PRKCA: variants seen among roughly 807,000 people sequenced by gnomAD.
PRKCA encodes protein kinase C alpha.
A neutral mutation model predicts 87.0 loss-of-function variants in PRKCA; 27 were observed. The ratio of observed to expected loss-of-function variants is 0.31; its 90% CI spans 0.23 to 0.43. PRKCA has a LOEUF of 0.43. PRKCA is among the 20% of genes least tolerant of loss of function. The pLI is 1.00. For synonymous variants in PRKCA, 329 were observed against 311.1 expected (o/e 1.06, Z -0.61); for missense variants, 518 against 852.3 (o/e 0.61, Z 4.88).
intron 3 of PRKCA, among the ~76,000 whole-genome samples, chr17:66,626,927 G>A (rs935042145): frequency 6.6e-6 from 1 of 152,188 alleles, no homozygotes; most frequent in Non-Finnish European, 1.5e-5. Flanking sequence ...CTCACTAGAA[G>A]TATCCACAGA....
At chr17:66,492,475 T>G (rs76444759) in intron 2 of PRKCA, among the ~76,000 whole-genome samples, 3,510 of 152,318 alleles carry the variant, frequency 0.023, 130 homozygotes, top group African/African-American at 0.08. Flanking sequence ...GTGAGTTTTC[T>G]TAACAGTGTT....
chr17:66,321,875 C>T (rs1005540170), intron 2 of PRKCA, among the ~76,000 whole-genome samples: 25 of 152,244 alleles, frequency 1.6e-4, no homozygotes, highest in African/African-American at 5.8e-4. Context: ...GAATGAAGGG[C>T]TGAGGGGACT....
chr17:66,575,195 TGCTGG>T, intron 3 of PRKCA, among the ~76,000 whole-genome samples: 1 of 152,348 alleles, frequency 6.6e-6, no homozygotes, highest in Non-Finnish European at 1.5e-5. Flanking sequence ...AGAAGGGGTC[TGCTGG>T]ACAAAGGGAT....
At chr17:66,544,992 A>T (rs913981194) in intron 3 of PRKCA, among the ~76,000 whole-genome samples, 5 of 152,238 alleles carry the variant, frequency 3.3e-5, no homozygotes, top group African/African-American at 1.2e-4. Flanking sequence ...ATGATAAGTA[A>T]CTTACCGAAA....
At chr17:66,312,192 G>T (rs112520848) in intron 2 of PRKCA, among the ~76,000 whole-genome samples, 1 of 151,956 alleles carries the variant, frequency 6.6e-6, no homozygotes, top group African/African-American at 2.4e-5. Flanking sequence ...ATATTGGCCA[G>T]GCTGGTCTTG....
At chr17:66,358,191 G>T (rs908416796) in intron 2 of PRKCA, among the ~76,000 whole-genome samples, 5 of 151,594 alleles carry the variant, frequency 3.3e-5, no homozygotes, top group Non-Finnish European at 7.4e-5. Context: ...GTTTATTAGC[G>T]TTGGGATGGG....
chr17:66,731,300 C>T (rs1405200814), intron 8 of PRKCA, among the ~76,000 whole-genome samples: 3 of 148,374 alleles, frequency 2.0e-5, no homozygotes, highest in Non-Finnish European at 3.0e-5. Context: ...GCTGAGATCG[C>T]GCCACTGCAC....
intron 2 of PRKCA, among the ~76,000 whole-genome samples, chr17:66,429,791 A>G (rs751472802): frequency 6.6e-6 from 1 of 152,202 alleles, no homozygotes. Flanking sequence ...ACATTGGGTA[A>G]GAGAATTAAT....
intron 3 of PRKCA, among the ~76,000 whole-genome samples, chr17:66,577,877 A>T (rs1343341635): frequency 6.6e-6 from 1 of 151,934 alleles, no homozygotes; most frequent in Non-Finnish European, 1.5e-5. Flanking sequence ...GCCTGTTCCC[A>T]GATGCTGCAT....
At chr17:66,711,490 AT>A in intron 8 of PRKCA, among the ~76,000 whole-genome samples, 1 of 152,260 alleles carries the variant, frequency 6.6e-6, no homozygotes, top group Admixed American at 6.5e-5. Context: ...ATGGAGGGGA[AT>A]TTTGCAACTT....
At chr17:66,686,023 G>A (rs1972617645) in intron 5 of PRKCA, among the ~76,000 whole-genome samples, 1 of 152,148 alleles carries the variant, frequency 6.6e-6, no homozygotes, top group South Asian at 2.1e-4. Context: ...AGTTATATGT[G>A]TGTTGATGGT....
At chr17:66,736,116 A>G (rs1174055346) in intron 10 of PRKCA, among the ~76,000 whole-genome samples, 1 of 151,366 alleles carries the variant, frequency 6.6e-6, no homozygotes, top group Non-Finnish European at 1.5e-5. Flanking sequence ...TCCTGAGCTC[A>G]AACGATCCCC....
chr17:66,662,522 C>T (rs1228791855), intron 5 of PRKCA, among the ~76,000 whole-genome samples: 1 of 152,114 alleles, frequency 6.6e-6, no homozygotes, highest in Non-Finnish European at 1.5e-5. Context: ...CCAGTCATTT[C>T]TTTTCTGTAT....
At chr17:66,736,119 C>G (rs746078562) in intron 10 of PRKCA, among the ~76,000 whole-genome samples, 1 of 151,378 alleles carries the variant, frequency 6.6e-6, no homozygotes. Context: ...TGAGCTCAAA[C>G]GATCCCCCTA....
rs568113139 is a variant in PRKCA, at chr17:66,796,779, G to A, written c.1855-7094G>A. On this transcript the variant is annotated intron_variant, in intron 16 of 16. Coordinates refer to ENST00000413366, the MANE Select transcript of PRKCA (RefSeq NM_002737.3). Reference sequence around the variant, plus strand: ...CAACCACAAGTCAGAGAGCTGTGCAGATGGTGGCGATGCGGTTGCTAAGGC... The same window carrying A: ...CAACCACAAGTCAGAGAGCTGTGCAAATGGTGGCGATGCGGTTGCTAAGGC... 4 of 985,394 alleles carry A rather than the reference G, an allele frequency of 4.1e-6. No homozygotes were observed. The East Asian group carries it at 4.5e-4, about 112-fold the overall frequency. The allele number at this position is 985,394 out of a possible 1,614,324, so 61.0% of individuals were successfully genotyped here. A position where few individuals can be genotyped will look rare whatever the true frequency, so the allele number is the denominator to read the frequency against.
At position 66,653,803 on chromosome 17, in the gene PRKCA, AAAAAAAC is replaced by A. The variant is rs767943717; in HGVS notation, c.529+8297_529+8303del. 3.7e-3 allele frequency among the ~76,000 whole-genome samples: 500 copies of A among 135,828 alleles called. 1 individual carries two copies. The highest frequency in any genetic ancestry group is 9.2e-3 in the African/African-American group (359 of 39,234). The allele number at this position is 135,828 out of a possible 152,430, so 89.1% of individuals were successfully genotyped here. A position where few individuals can be genotyped will look rare whatever the true frequency, so the allele number is the denominator to read the frequency against. On this transcript the variant is annotated intron_variant, in intron 5 of 16. Coordinates refer to ENST00000413366, the MANE Select transcript of PRKCA (RefSeq NM_002737.3). ...AGTTTCCAGCTCTTAAAAAAAAAAAAAAAAAACAAAACCAACAAGCTTTATGATGCTC... is the reference window on the plus strand; with the variant it reads ...AGTTTCCAGCTCTTAAAAAAAAAAAAAAAACCAACAAGCTTTATGATGCTC...
At position 66,325,905 on chromosome 17, in the gene PRKCA, G is replaced by A. The variant is rs1475655807; in HGVS notation, c.205+19778G>A. On this transcript the variant is annotated intron_variant, in intron 2 of 16. Transcript: ENST00000413366. ...TTCCCCCTTTTAAAACTGGACTTTTGTGTAAAGTTTTAGGTTTTAGGGTTG... is the reference window on the plus strand; with the variant it reads ...TTCCCCCTTTTAAAACTGGACTTTTATGTAAAGTTTTAGGTTTTAGGGTTG... Among the ~76,000 whole-genome samples, 6 of 152,008 alleles carry A rather than the reference G, an allele frequency of 3.9e-5. No homozygotes were observed. In the East Asian group the frequency reaches 7.7e-4, roughly 20 times the overall value.
chr17:66,554,407 A>G, intron 3 of PRKCA: 2 of 333,032 alleles, frequency 6.0e-6, no homozygotes, highest in Non-Finnish European at 8.6e-6. Context: ...TAGAGCCTCC[A>G]TTACCAATCA....
chr17:66,405,655 G>A (rs1331597270), intron 2 of PRKCA, among the ~76,000 whole-genome samples: 1 of 152,182 alleles, frequency 6.6e-6, no homozygotes, highest in African/African-American at 2.4e-5. Flanking sequence ...GAAGTTCCTG[G>A]TAGGCAAAGC....
Sources: gnomAD v4.1 joint callset for allele counts (sites outside exome capture counted in the v4.1 genomes callset) on GRCh38, gnomAD v4.1.1 for gene constraint, MANE v1.5 for transcripts, NCBI Gene and HGNC (gene_info 2026-07-23, HGNC 2026-07-21) for gene names.